GEN1: variants seen among roughly 807,000 people sequenced by gnomAD.
GEN1 encodes GEN1 structure-specific endonuclease.
A neutral mutation model predicts 67.6 loss-of-function variants in GEN1; 64 were observed. The observed-to-expected ratio is 0.95, with a 90% confidence interval of 0.77 to 1.17. GEN1 has a LOEUF of 1.17. GEN1 is among the 50% of genes most tolerant of loss of function. GEN1 has a pLI of 0.00. For missense variants in GEN1, 1,058 were observed against 1,048.3 expected (o/e 1.01, Z -0.13); for synonymous variants, 371 against 359.4 (o/e 1.03, Z -0.37).
At chr2:17,758,394 A>G (rs1283454343) in intron 1 of GEN1, among the ~76,000 whole-genome samples, 4 of 152,194 alleles carry the variant, frequency 2.6e-5, no homozygotes, top group Non-Finnish European at 5.9e-5. Flanking sequence ...TTCTTCTCAG[A>G]CTTTTGGTTT....
intron 13 of GEN1, among the ~76,000 whole-genome samples, chr2:17,780,410 T>A (rs1288283192): frequency 1.3e-5 from 2 of 152,246 alleles, no homozygotes; most frequent in Non-Finnish European, 2.9e-5. Context: ...TTAAATGTTT[T>A]CTTTATTTCC....
chr2:17,773,153 TC>T (rs1672271955), intron 9 of GEN1, 21 bp downstream of exon 9: 1 of 1,570,594 alleles, frequency 6.4e-7, no homozygotes, highest in African/African-American at 1.4e-5. Context: ...GTAATTCAAC[TC>T]TATTAATTTT....
intron 6 of GEN1, among the ~76,000 whole-genome samples, chr2:17,769,033 T>C (rs1245042300): frequency 6.6e-6 from 1 of 152,066 alleles, no homozygotes; most frequent in Non-Finnish European, 1.5e-5. Context: ...TTTTTTCTTT[T>C]TTTGGAGACA....
At chr2:17,755,249 C>G (rs1671364457) in intron 1 of GEN1, 1 of 152,228 alleles carries the variant, frequency 6.6e-6, no homozygotes, top group African/African-American at 2.4e-5. Flanking sequence ...TTACATGTCA[C>G]TTGCTTCAGG....
intron 7 of GEN1, among the ~76,000 whole-genome samples, chr2:17,771,620 G>A (rs932164704): frequency 2.0e-5 from 3 of 151,864 alleles, no homozygotes; most frequent in Admixed American, 6.6e-5. Flanking sequence ...AGGGAAAATG[G>A]AACTGAAACC....
At chr2:17,761,605 G>A in intron 3 of GEN1, 23 bp downstream of exon 3, 2 of 1,527,390 alleles carry the variant, frequency 1.3e-6, no homozygotes, top group South Asian at 1.2e-5. Context: ...ATTTGATTCA[G>A]TAATTCCGAT....
Position 17,781,177 on chromosome 2 carries a change from T to G in GEN1, c.1965T>G (p.Ser655Arg). Residue 655 changes from serine to arginine, a missense_variant, in exon 14 of 14, where the codon AGT becomes AGG. Transcript: ENST00000381254. ...TGGATGAGGATTCTGATGGGATTAG[T>G]CCTGAAGAGCATCTACTTTCTGGCA... Reference protein sequence around the residue: ...KVLDEDSDGISPEEHLLSGIT... With the variant: ...KVLDEDSDGIRPEEHLLSGIT... The G allele has an allele frequency of 1.2e-6, 2 of 1,613,896 alleles. No individual in the cohort carries two copies. The highest frequency in any genetic ancestry group is 8.5e-7 in the Non-Finnish European group (1 of 1,179,850).
chr2:17,765,927 C>T (rs763564738), intron 4 of GEN1, among the ~76,000 whole-genome samples: 2 of 147,600 alleles, frequency 1.4e-5, no homozygotes, highest in Non-Finnish European at 3.0e-5. Context: ...AGTGCAGTTA[C>T]GGGGAATGTT....
rs1283663672 is a variant in GEN1, at chr2:17,787,884, A to G, written c.*5945A>G. The G allele has an allele frequency of 6.6e-6, 1 of 152,502 alleles. No homozygotes were observed. The highest frequency in any genetic ancestry group is 1.5e-5 in the Non-Finnish European group (1 of 68,262). 9.4% of individuals were successfully genotyped at this position (152,502 alleles called of 1,614,324 possible). ...GGTTGCAGTGAGCTGAGACCGTGCC[A>G]TTGCACTCTAGCCTGGGCAAGAAGA... is the stretch of plus-strand genomic sequence containing the variant. On this transcript the variant is annotated 3_prime_UTR_variant, in exon 14 of 14. Coordinates refer to ENST00000381254, the MANE Select transcript of GEN1 (RefSeq NM_001130009.3).
chr2:17,778,187 T>TAC lies in GEN1; in HGVS notation c.1264+134_1264+135dup, dbSNP rs111762781. 59 of 346,334 alleles carry TAC rather than the reference T, an allele frequency of 1.7e-4. 2 individuals carry two copies. Among genetic ancestry groups the TAC allele is most frequent in the Non-Finnish European group, 2.5e-4 (47 of 189,866 alleles). 21.5% of individuals were successfully genotyped at this position (346,334 alleles called of 1,614,324 possible). A position where few individuals can be genotyped will look rare whatever the true frequency, so the allele number is the denominator to read the frequency against. ...ACATAGATATGTGTATATATATATA[T>TAC]ACACACACACATATATGTGTATATA... is the stretch of plus-strand genomic sequence containing the variant. On this transcript the variant is annotated intron_variant, in intron 12 of 13. Coordinates refer to ENST00000381254, the MANE Select transcript of GEN1 (RefSeq NM_001130009.3).
rs1315107765 is a variant in GEN1 at position 17,774,235 on chromosome 2, T to C, written c.1072-36T>C. On this transcript the variant is annotated intron_variant, in intron 10 of 13. Transcript: ENST00000381254. Reference sequence around the variant, plus strand: ...AGGAGTGCTATTTGTCTCCAAGAGATAACAAAATCTTGTTTTATTTTTATT... The same window carrying C: ...AGGAGTGCTATTTGTCTCCAAGAGACAACAAAATCTTGTTTTATTTTTATT... The C allele has an allele frequency of 3.9e-6, 5 of 1,273,400 alleles. No individual in the cohort carries two copies. In the Admixed American group the frequency reaches 9.7e-5, roughly 25 times the overall value. The allele number at this position is 1,273,400 out of a possible 1,614,324, so 78.9% of individuals were successfully genotyped here. A position where few individuals can be genotyped will look rare whatever the true frequency, so the allele number is the denominator to read the frequency against.
intron 5 of GEN1, among the ~76,000 whole-genome samples, chr2:17,767,678 T>A (rs1449765663): frequency 6.6e-6 from 1 of 152,168 alleles, no homozygotes; most frequent in Admixed American, 6.5e-5. Flanking sequence ...AAGAAAAAAT[T>A]TGCTGACTTG....
Position 17,781,720 on chromosome 2 carries a change from CCATAACAAGTT to C in GEN1, c.2509_2519del (p.His837GlufsTer2). 5 of 1,612,100 alleles carry C rather than the reference CCATAACAAGTT, an allele frequency of 3.1e-6. No individual in the cohort carries two copies. The highest frequency in any genetic ancestry group is 4.2e-6 in the Non-Finnish European group (5 of 1,178,664). On this transcript the variant is annotated frameshift_variant, in exon 14 of 14. Coordinates refer to ENST00000381254, the MANE Select transcript of GEN1 (RefSeq NM_001130009.3). LOFTEE classifies it low-confidence loss of function (END_TRUNC). ...ATTCATCCCATTTCAAAGAAAGTGG[CCATAACAAGTT>C]GAGTAGCCCTAAGATACATATTAAA... is the stretch of plus-strand genomic sequence containing the variant.
In GEN1 at chr2:17,781,898, C is replaced by A. The variant is rs182439530; in HGVS notation, c.2686C>A (p.Pro896Thr). 2.0e-4 allele frequency: 314 copies of A among 1,573,196 alleles called. No individual in the cohort carries two copies. Among genetic ancestry groups the A allele is most frequent in the Non-Finnish European group, 2.6e-4 (304 of 1,166,574 alleles). Residue 896 changes from proline (P) to threonine (T), a missense_variant, in exon 14 of 14, where the codon CCT (proline) becomes ACT (threonine). By Grantham distance (38) the Pro-to-Thr change is conservative. Coordinates refer to ENST00000381254, the MANE Select transcript of GEN1 (RefSeq NM_001130009.3). Reference sequence around the variant, plus strand: ...TGGTACTTGTTTGGATAGCCCTCTTCCTTTACGCCAGAGATTAAAACTAAG... The same window carrying A: ...TGGTACTTGTTTGGATAGCCCTCTTACTTTACGCCAGAGATTAAAACTAAG... ...NSGTCLDSPL[P>T]LRQRLKLRFQ...
intron 4 of GEN1, among the ~76,000 whole-genome samples, chr2:17,766,330 G>T (rs1671931148): frequency 6.6e-6 from 1 of 152,034 alleles, no homozygotes; most frequent in African/African-American, 2.4e-5. Context: ...ACCACGCCTG[G>T]CTAATTTTTT....
rs1558409519 is a variant in GEN1 at position 17,778,341 on chromosome 2, CACACACATGTGTGTACATATATGTATAT to C, written c.1264+286_1264+313del. 5.3e-4 allele frequency among the ~76,000 whole-genome samples: 4 copies of C among 7,506 alleles called. 1 individual carries two copies. Among genetic ancestry groups the C allele is most frequent in the Non-Finnish European group, 1.9e-3 (4 of 2,156 alleles). 4.9% of individuals were successfully genotyped at this position (7,506 alleles called of 152,430 possible). On this transcript the variant is annotated intron_variant, in intron 12 of 13. Coordinates refer to ENST00000381254, the MANE Select transcript of GEN1 (RefSeq NM_001130009.3). ...ACACACACGTGTACATATATGTATA[CACACACATGTGTGTACATATATGTATAT>C]ACACACACATATATGTGTGTACATA...
At chr2:17,779,644 C>T (rs1003507706) in intron 12 of GEN1, among the ~76,000 whole-genome samples, 2 of 151,874 alleles carry the variant, frequency 1.3e-5, no homozygotes, top group Non-Finnish European at 2.9e-5. Flanking sequence ...TCTTGTTGCC[C>T]AGGCTGGAGT....
chr2:17,761,353 T>G, intron 2 of GEN1, 43 bp from the exon 3 acceptor site: 1 of 1,069,668 alleles, frequency 9.3e-7, no homozygotes, highest in Non-Finnish European at 1.4e-6. Context: ...ACTTTTACTA[T>G]CAGTGTTTGA....
In GEN1 at chr2:17,785,117, T is replaced by C. The variant is rs534246852; in HGVS notation, c.*3178T>C. Reference sequence around the variant, plus strand: ...ACTGAGAATCTAATGCCTGATGATATAAGGTGGAACAGCTTCATCCCACAG... The same window carrying C: ...ACTGAGAATCTAATGCCTGATGATACAAGGTGGAACAGCTTCATCCCACAG... On this transcript the variant is annotated 3_prime_UTR_variant, in exon 14 of 14. Transcript: ENST00000381254. 6.6e-6 allele frequency: 1 copy of C among 152,298 alleles called. No individual in the cohort carries two copies. The highest frequency in any genetic ancestry group is 6.5e-5 in the Admixed American group (1 of 15,298). 9.4% of individuals were successfully genotyped at this position (152,298 alleles called of 1,614,324 possible).
Sources: gnomAD v4.1 joint callset for allele counts (sites outside exome capture counted in the v4.1 genomes callset) on GRCh38, gnomAD v4.1.1 for gene constraint, MANE v1.5 for transcripts, NCBI Gene and HGNC (gene_info 2026-07-23, HGNC 2026-07-21) for gene names.